Variants in MEIS3 observed in about 807,000 individuals in gnomAD.
MEIS3 encodes the protein Meis homeobox 3.
Under a neutral mutation model 51.4 loss-of-function variants are expected in MEIS3, and 38 were observed. That is an observed-to-expected ratio of 0.74 (90% confidence interval 0.57 to 0.97). MEIS3 has a LOEUF of 0.97. MEIS3 is among the 50% of genes least tolerant of loss of function. The pLI, the probability that MEIS3 is intolerant of heterozygous loss-of-function variation, is 0.00. For missense variants in MEIS3, 456 were observed against 502.6 expected (o/e 0.91, Z 0.89); for synonymous variants, 198 against 201.8 (o/e 0.98, Z 0.16).
At chr19:47,404,902 C>A (rs1410174962) in intron 12 of MEIS3, among the ~76,000 whole-genome samples, 1 of 152,202 alleles carries the variant, frequency 6.6e-6, no homozygotes, top group African/African-American at 2.4e-5. Flanking sequence ...ACTGTTGTGT[C>A]CCCAACATTA....
rs1489852412 is a variant in MEIS3, at chr19:47,406,921, C to T, written c.1045G>A (p.Glu349Lys). Residue 349 changes from glutamate to lysine, a missense_variant, in exon 11 of 13, where the codon GAG (glutamate) becomes AAG (lysine). Physicochemically the swap from Glu to Lys is moderately conservative, Grantham distance 56. Coordinates refer to ENST00000558555, the MANE Select transcript of MEIS3 (RefSeq NM_001301059.2). ...PEGQPIGGYT[E>K]TQPHVAVRPP... ...CGGACGGCCACGTGTGGCTGCGTCT[C>T]GGTATAGCCCCCGATGGGCTGGCCC... 3.2e-6 allele frequency: 5 copies of T among 1,579,050 alleles called. No individual in the cohort carries two copies. The highest frequency in any genetic ancestry group is 4.6e-5 in the East Asian group (2 of 43,374).
chr19:47,411,787 C>A (rs766161469), intron 6 of MEIS3, among the ~76,000 whole-genome samples: 8 of 151,286 alleles, frequency 5.3e-5, no homozygotes, highest in East Asian at 1.9e-4. Flanking sequence ...TGATCCACCC[C>A]CCTCAGACTC....
In MEIS3 at chr19:47,416,713, A is replaced by C; in HGVS notation, c.346-11T>G. 6.3e-7 allele frequency: 1 copy of C among 1,597,392 alleles called. No individual in the cohort carries two copies. The highest frequency in any genetic ancestry group is 8.5e-7 in the Non-Finnish European group (1 of 1,171,980). ...CCTCTCAGAGCGAACCTGGGAGGGA[A>C]GAGAGAGGCCGGCAGGGGGATGTCC... On this transcript the variant is annotated splice_polypyrimidine_tract_variant and intron_variant, in intron 3 of 12. Transcript: ENST00000558555.
At position 47,419,053 on chromosome 19, in the gene MEIS3, C is replaced by T. The variant is rs1568432317; in HGVS notation, c.12+17G>A. The T allele has an allele frequency of 3.2e-6, 4 of 1,246,890 alleles. No homozygotes were observed. Among genetic ancestry groups the T allele is most frequent in the Non-Finnish European group, 4.0e-6 (4 of 996,650 alleles). 77.2% of individuals were successfully genotyped at this position (1,246,890 alleles called of 1,614,324 possible). On this transcript the variant is annotated intron_variant, in intron 1 of 12. Transcript: ENST00000558555. ...GCGGAAGCGGCCGGGACGCGGGGTC[C>T]CCGCCCCGAGACCTACCCTCCGGGC... is the stretch of plus-strand genomic sequence containing the variant.
rs1055986398 is a variant in MEIS3, at chr19:47,419,051, T to C, written c.12+19A>G. ...GTGCGGAAGCGGCCGGGACGCGGGGTCCCCGCCCCGAGACCTACCCTCCGG... is the reference window on the plus strand; with the variant it reads ...GTGCGGAAGCGGCCGGGACGCGGGGCCCCCGCCCCGAGACCTACCCTCCGG... On this transcript the variant is annotated intron_variant, in intron 1 of 12. Coordinates refer to ENST00000558555, the MANE Select transcript of MEIS3 (RefSeq NM_001301059.2). 12 of 1,225,522 alleles carry C rather than the reference T, an allele frequency of 9.8e-6. No homozygotes were observed. Among genetic ancestry groups the C allele is most frequent in the African/African-American group, 1.6e-5 (1 of 61,036 alleles). The allele number at this position is 1,225,522 out of a possible 1,614,324, so 75.9% of individuals were successfully genotyped here. A position where few individuals can be genotyped will look rare whatever the true frequency, so the allele number is the denominator to read the frequency against.
chr19:47,406,385 G>T, intron 12 of MEIS3, 75 bp downstream of exon 12: 2 of 1,276,170 alleles, frequency 1.6e-6, no homozygotes, highest in South Asian at 2.4e-5. Context: ...TACTCTGGAA[G>T]TGCCCACTCT....
intron 4 of MEIS3, chr19:47,416,430 C>A: frequency 2.0e-6 from 1 of 510,992 alleles, no homozygotes; most frequent in South Asian, 3.2e-5. Flanking sequence ...TGCCCTGGGT[C>A]ACAGAGCTGG....
At chr19:47,404,837 G>A (rs1168980843) in intron 12 of MEIS3, among the ~76,000 whole-genome samples, 2 of 152,222 alleles carry the variant, frequency 1.3e-5, no homozygotes, top group Admixed American at 6.5e-5. Flanking sequence ...GGATGGGTCT[G>A]TCCCCTTCAC....
upstream of MEIS3, among the ~76,000 whole-genome samples, chr19:47,421,108 G>T (rs1160971099): frequency 4.6e-5 from 7 of 152,018 alleles, no homozygotes; most frequent in Non-Finnish European, 2.9e-5. Context: ...CTCTTCGAGG[G>T]TGTGCTTGGG....
chr19:47,409,551 G>C lies in MEIS3; in HGVS notation c.598-4C>G. On this transcript the variant is annotated splice_region_variant and splice_polypyrimidine_tract_variant and intron_variant, in intron 6 of 12. Coordinates refer to ENST00000558555, the MANE Select transcript of MEIS3 (RefSeq NM_001301059.2). The stretch of plus-strand genomic sequence containing the variant: ...GGTCTCGAATCCACATATTATTCTA[G>C]AAAACAAGAGTTAGAAGTTAGTGCC... 2 of 1,610,468 alleles carry C rather than the reference G, an allele frequency of 1.2e-6. No individual in the cohort carries two copies. Among genetic ancestry groups the C allele is most frequent in the Non-Finnish European group, 1.7e-6 (2 of 1,176,750 alleles).
chr19:47,404,894 T>C (rs1304953695), intron 12 of MEIS3, among the ~76,000 whole-genome samples: 1 of 152,254 alleles, frequency 6.6e-6, no homozygotes, highest in African/African-American at 2.4e-5. Flanking sequence ...TCATGGTCAC[T>C]GTTGTGTCCC....
chr19:47,412,526 T>C (rs1971185504), intron 6 of MEIS3: 1 of 151,516 alleles, frequency 6.6e-6, no homozygotes, highest in East Asian at 1.9e-4. Context: ...TAGATGGGAC[T>C]ACAGGCGCAC....
Position 47,403,179 on chromosome 19 carries a change from AG to A in MEIS3, c.*391del, listed in dbSNP as rs905094429. 5.5e-5 allele frequency: 13 copies of A among 238,448 alleles called. No homozygotes were observed. The highest frequency in any genetic ancestry group is 1.1e-4 in the Non-Finnish European group (13 of 117,670). The allele number at this position is 238,448 out of a possible 1,614,324, so 14.8% of individuals were successfully genotyped here. ...AAAGAAGAAATTAGAGAAGGGAGGTAGGGGGGACAGGAGAGTGAAGGAATCT... is the reference window on the plus strand; with the variant it reads ...AAAGAAGAAATTAGAGAAGGGAGGTAGGGGGACAGGAGAGTGAAGGAATCT... On this transcript the variant is annotated 3_prime_UTR_variant, in exon 13 of 13. Transcript: ENST00000558555.
upstream of MEIS3, among the ~76,000 whole-genome samples, chr19:47,420,038 A>C (rs1244571918): frequency 6.6e-6 from 1 of 151,596 alleles, no homozygotes; most frequent in Non-Finnish European, 1.5e-5. Context: ...GGGTGCCAGG[A>C]CTCAGGGTCT....
intron 12 of MEIS3, among the ~76,000 whole-genome samples, chr19:47,405,627 G>A (rs949154639): frequency 1.4e-5 from 2 of 146,222 alleles, no homozygotes; most frequent in Admixed American, 1.4e-4. Context: ...TTGGCTCACT[G>A]TAACCTCCGC....
At chr19:47,410,632 G>C (rs1229006556) in intron 6 of MEIS3, among the ~76,000 whole-genome samples, 2 of 151,944 alleles carry the variant, frequency 1.3e-5, no homozygotes, top group African/African-American at 4.8e-5. Context: ...TGGGCGTGGT[G>C]GTGGGCGCCT....
In MEIS3 at chr19:47,407,062, C is replaced by T; in HGVS notation, c.994+17G>A. ...CCTAAGAACCCCAGGCTCTCCGTCCCCGCCTTCCCCCTGTACCTGTGCGGT... is the reference window on the plus strand; with the variant it reads ...CCTAAGAACCCCAGGCTCTCCGTCCTCGCCTTCCCCCTGTACCTGTGCGGT... On this transcript the variant is annotated intron_variant, in intron 10 of 12. Coordinates refer to ENST00000558555, the MANE Select transcript of MEIS3 (RefSeq NM_001301059.2). 1 of 1,606,600 alleles carries T rather than the reference C, an allele frequency of 6.2e-7. No homozygotes were observed. The highest frequency in any genetic ancestry group is 8.5e-7 in the Non-Finnish European group (1 of 1,177,072).
intron 11 of MEIS3, 34 bp from the exon 12 acceptor site, chr19:47,406,560 C>T: frequency 6.2e-7 from 1 of 1,607,964 alleles, no homozygotes; most frequent in Non-Finnish European, 8.5e-7. Flanking sequence ...GTAAGTGCGT[C>T]TTTCAGAGAC....
At chr19:47,409,057 T>C in intron 8 of MEIS3, 42 bp downstream of exon 8, 1 of 1,598,584 alleles carries the variant, frequency 6.3e-7, no homozygotes, top group South Asian at 1.1e-5. Context: ...CCCTTCTCCC[T>C]CTCTCCATTC....
Sources: gnomAD v4.1 joint callset for allele counts (sites outside exome capture counted in the v4.1 genomes callset) on GRCh38, gnomAD v4.1.1 for gene constraint, MANE v1.5 for transcripts, NCBI Gene and HGNC (gene_info 2026-07-23, HGNC 2026-07-21) for gene names.